Variants in ALG14 observed in about 807,000 individuals in gnomAD.
ALG14 encodes the protein ALG14 UDP-N-acetylglucosaminyltransferase subunit.
In ALG14, 17 loss-of-function variants were observed where a neutral mutation model predicts 22.8. That is an observed-to-expected ratio of 0.75 (90% confidence interval 0.51 to 1.12). The LOEUF (loss-of-function observed/expected upper bound fraction) is 1.12. Ranked by LOEUF, ALG14 falls within the 50% of genes most tolerant of loss-of-function variation. ALG14 has a pLI of 0.00. For synonymous variants in ALG14, 89 were observed against 103.7 expected (o/e 0.86, Z 0.86); for missense variants, 288 against 271.8 (o/e 1.06, Z -0.42).
intron 2 of ALG14, among the ~76,000 whole-genome samples, chr1:95,042,416 T>A (rs1286758253): frequency 6.6e-5 from 10 of 152,190 alleles, no homozygotes; most frequent in Admixed American, 1.3e-4. Context: ...CTTGGCACCA[T>A]GTCTTCTGGA....
intron 1 of ALG14, among the ~76,000 whole-genome samples, chr1:95,071,137 C>T (rs1675547685): frequency 6.6e-6 from 1 of 152,188 alleles, no homozygotes; most frequent in Admixed American, 6.5e-5. Context: ...TGCCTGAGAT[C>T]CCCAAGGTAG....
At chr1:95,064,580 C>G (rs1300206182) in intron 2 of ALG14, among the ~76,000 whole-genome samples, 1 of 151,824 alleles carries the variant, frequency 6.6e-6, no homozygotes, top group Admixed American at 6.6e-5. Flanking sequence ...TGATGAATTA[C>G]ATTTATTGAT....
chr1:95,064,638 A>G (rs1249589946), intron 2 of ALG14, among the ~76,000 whole-genome samples: 1 of 152,188 alleles, frequency 6.6e-6, no homozygotes, highest in African/African-American at 2.4e-5. Context: ...AGCCAACTTG[A>G]TCATGGTGGA....
At chr1:95,007,822 G>C (rs1162520546) in intron 3 of ALG14, among the ~76,000 whole-genome samples, 2 of 152,232 alleles carry the variant, frequency 1.3e-5, no homozygotes, top group African/African-American at 4.8e-5. Flanking sequence ...AGACAGGTTA[G>C]CCATGGAAGT....
Position 95,072,920 on chromosome 1 carries a change from C to A in ALG14, c.-22G>T, listed in dbSNP as rs770242924. The A allele has an allele frequency of 1.9e-6, 3 of 1,613,152 alleles. No individual in the cohort carries two copies. Among genetic ancestry groups the A allele is most frequent in the Admixed American group, 1.7e-5 (1 of 59,974 alleles). ...CCATGCAGAGAAACGGCGCATGCGT[C>A]CAACTTCCGGGGACCAGCCGCTGTC... On this transcript the variant is annotated 5_prime_UTR_variant, in exon 1 of 4. Transcript: ENST00000370205.
intron 2 of ALG14, among the ~76,000 whole-genome samples, chr1:95,052,255 G>A (rs182425801): frequency 6.6e-6 from 1 of 152,130 alleles, no homozygotes; most frequent in East Asian, 1.9e-4. Context: ...AAAACAAGTA[G>A]GATACAAGAA....
At chr1:95,046,836 G>A (rs902340821) in intron 2 of ALG14, among the ~76,000 whole-genome samples, 5 of 152,130 alleles carry the variant, frequency 3.3e-5, no homozygotes, top group East Asian at 1.9e-4. Context: ...AGTGGCTTAC[G>A]CCTGTAATCT....
chr1:94,985,967 C>A (rs1006761380), intron 3 of ALG14, among the ~76,000 whole-genome samples: 1 of 151,426 alleles, frequency 6.6e-6, no homozygotes, highest in Non-Finnish European at 1.5e-5. Flanking sequence ...AAAGGTTTTA[C>A]CTCTTTTTGC....
chr1:95,070,119 G>A (rs1203594763), intron 1 of ALG14, among the ~76,000 whole-genome samples: 2 of 152,058 alleles, frequency 1.3e-5, no homozygotes, highest in Non-Finnish European at 1.5e-5. Flanking sequence ...ATTCCAGAGA[G>A]GGCCCTACCC....
chr1:95,064,831 T>C (rs1312657579), intron 2 of ALG14, 35 bp downstream of exon 2: 1 of 1,592,050 alleles, frequency 6.3e-7, no homozygotes, highest in Admixed American at 1.7e-5. Context: ...AATGTGCAAC[T>C]TGTAATTTTC....
At chr1:95,012,411 G>A (rs767981108) in intron 3 of ALG14, among the ~76,000 whole-genome samples, 3 of 152,176 alleles carry the variant, frequency 2.0e-5, no homozygotes, top group Non-Finnish European at 4.4e-5. Context: ...AAGTAGACTC[G>A]GAACTGAACT....
chr1:95,052,058 T>C (rs142018376), intron 2 of ALG14, among the ~76,000 whole-genome samples: 18 of 152,356 alleles, frequency 1.2e-4, no homozygotes, highest in Non-Finnish European at 2.4e-4. Flanking sequence ...CAATAAATAT[T>C]TGTTAAATAA....
Position 95,037,643 on chromosome 1 carries a change from G to T in ALG14, c.289-10383C>A, listed in dbSNP as rs182332821. Among the ~76,000 whole-genome samples, 21 of 152,296 alleles carry T rather than the reference G, an allele frequency of 1.4e-4. 1 individual carries two copies. The highest frequency in any genetic ancestry group is 3.4e-3 in the Middle Eastern group (1 of 294). On this transcript the variant is annotated intron_variant, in intron 2 of 3. Coordinates refer to ENST00000370205, the MANE Select transcript of ALG14 (RefSeq NM_144988.4). ...AATAAGACTGAATTTTTCCTGTTTTGTAAGTTGACAAATTCCCTTTATTGT... is the reference window on the plus strand; with the variant it reads ...AATAAGACTGAATTTTTCCTGTTTTTTAAGTTGACAAATTCCCTTTATTGT...
chr1:95,065,004 AG>A lies in ALG14; in HGVS notation c.149del (p.Thr50MetfsTer4). ...LVVAGSGGHT[T>X]EILRLLGSLS... ...AGCTCCCAAGCAGCCTCAGGATCTC[AG>A]TGGTATGCCCACCTGGAAAAAATAT... is the stretch of plus-strand genomic sequence containing the variant. On this transcript the variant is annotated frameshift_variant, in exon 2 of 4. Transcript: ENST00000370205. LOFTEE classifies it high-confidence loss of function. 1 of 1,611,684 alleles carries A rather than the reference AG, an allele frequency of 6.2e-7. No individual in the cohort carries two copies. Among genetic ancestry groups the A allele is most frequent in the Non-Finnish European group, 8.5e-7 (1 of 1,178,314 alleles).
At chr1:95,065,611 G>A (rs1220882173) in intron 1 of ALG14, among the ~76,000 whole-genome samples, 1 of 152,162 alleles carries the variant, frequency 6.6e-6, no homozygotes, top group East Asian at 1.9e-4. Flanking sequence ...AAAGCAGGAT[G>A]GGAAAAGGGA....
intron 2 of ALG14, among the ~76,000 whole-genome samples, chr1:95,059,225 C>T (rs1318787521): frequency 6.6e-6 from 1 of 151,542 alleles, no homozygotes; most frequent in African/African-American, 2.4e-5. Flanking sequence ...GGGGAAACCC[C>T]GTCTCTACTA....
At chr1:95,059,526 C>T (rs1212170855) in intron 2 of ALG14, among the ~76,000 whole-genome samples, 1 of 150,616 alleles carries the variant, frequency 6.6e-6, no homozygotes, top group African/African-American at 2.4e-5. Context: ...TTCTTGTGAT[C>T]ACCCAGGAGC....
chr1:95,013,039 G>A (rs1673410208), intron 3 of ALG14, among the ~76,000 whole-genome samples: 1 of 151,408 alleles, frequency 6.6e-6, no homozygotes, highest in African/African-American at 2.4e-5. Flanking sequence ...AGGAGGCCGA[G>A]GCAGGAGAAT....
chr1:95,062,922 T>C (rs1675216681), intron 2 of ALG14, among the ~76,000 whole-genome samples: 1 of 152,228 alleles, frequency 6.6e-6, no homozygotes, highest in African/African-American at 2.4e-5. Context: ...ACCAATACTG[T>C]AAAAGCATTC....
Sources: gnomAD v4.1 joint callset for allele counts (sites outside exome capture counted in the v4.1 genomes callset) on GRCh38, gnomAD v4.1.1 for gene constraint, MANE v1.5 for transcripts, NCBI Gene and HGNC (gene_info 2026-07-23, HGNC 2026-07-21) for gene names.